Variants in SYNE2 observed in about 807,000 individuals in gnomAD.
The protein encoded by SYNE2 is spectrin repeat containing nuclear envelope protein 2, also known as nesprin-2.
Under a neutral mutation model 856.3 loss-of-function variants are expected in SYNE2, and 431 were observed. The ratio of observed to expected loss-of-function variants is 0.50; its 90% CI spans 0.47 to 0.55. The LOEUF (loss-of-function observed/expected upper bound fraction) is 0.55, where lower values mean the gene tolerates loss of function less well. Among genes scored for constraint, SYNE2 ranks in the 20% least tolerant of loss-of-function variants. The pLI is 0.00. For synonymous variants in SYNE2, 2,923 were observed against 2,872.3 expected (o/e 1.02, Z -0.56); for missense variants, 8,129 against 8,023.2 (o/e 1.01, Z -0.50).
intron 99 of SYNE2, among the ~76,000 whole-genome samples, chr14:64,198,730 C>T (rs185667040): frequency 3.3e-5 from 5 of 152,266 alleles, no homozygotes; most frequent in Admixed American, 6.5e-5. Flanking sequence ...CTGAGGAGCA[C>T]GAGTGGCTCC....
rs775635485 is a variant in SYNE2 at position 64,016,492 on chromosome 14, A to T, written c.4748A>T (p.Glu1583Val). Residue 1583 changes from glutamate (E) to valine (V), a missense_variant, in exon 33 of 116, where the codon GAA (glutamate) becomes GTA (valine). This residue lies in a region of SYNE2 where 2,422 missense variants were observed against 2,357.4 expected (regional missense o/e 1.03). Transcript: ENST00000555002. ...RIAEIEIVKE[E>V]FNEHLEVVDK... ...TTACAGATTGAAATTGTCAAAGAAGAATTTAATGAGCATTTAGAAGTTGTA... is the reference window on the plus strand; with the variant it reads ...TTACAGATTGAAATTGTCAAAGAAGTATTTAATGAGCATTTAGAAGTTGTA... 2.9e-5 allele frequency: 46 copies of T among 1,592,064 alleles called. No individual in the cohort carries two copies. The highest frequency in any genetic ancestry group is 3.3e-5 in the Non-Finnish European group (39 of 1,167,912).
intron 78 of SYNE2, among the ~76,000 whole-genome samples, chr14:64,135,769 G>C (rs1477947338): frequency 6.6e-6 from 1 of 152,144 alleles, no homozygotes; most frequent in African/African-American, 2.4e-5. Context: ...GACTAAAGAA[G>C]ACATATCCTG....
At chr14:64,089,267 G>A (rs2097586229) in intron 58 of SYNE2, among the ~76,000 whole-genome samples, 1 of 149,518 alleles carries the variant, frequency 6.7e-6, no homozygotes, top group African/African-American at 2.4e-5. Flanking sequence ...TCAGGAGGCT[G>A]AGGCAGGAGA....
At chr14:64,030,312 G>A (rs368500684) in intron 44 of SYNE2, among the ~76,000 whole-genome samples, 23 of 152,318 alleles carry the variant, frequency 1.5e-4, no homozygotes, top group African/African-American at 2.9e-4. Flanking sequence ...CACCTTGAAA[G>A]GCCTGTATGT....
intron 18 of SYNE2, among the ~76,000 whole-genome samples, chr14:63,985,476 A>G (rs748956237): frequency 2.0e-5 from 3 of 152,164 alleles, no homozygotes; most frequent in Non-Finnish European, 2.9e-5. Flanking sequence ...AAAAAGATTT[A>G]ATTTTGTTGA....
chr14:63,979,638 C>T (rs921362058), intron 14 of SYNE2, among the ~76,000 whole-genome samples: 13 of 152,316 alleles, frequency 8.5e-5, no homozygotes, highest in African/African-American at 2.4e-4. Flanking sequence ...TGGGGCTGGG[C>T]GCGGTGGCGC....
In SYNE2 at chr14:64,079,858, G is replaced by A. The variant is rs571277752; in HGVS notation, c.11164-598G>A. On this transcript the variant is annotated intron_variant, in intron 55 of 115. Coordinates refer to ENST00000555002, the MANE Select transcript of SYNE2 (RefSeq NM_182914.3). Reference sequence around the variant, plus strand: ...CAAGTAGATGAGACTGCAGGTGTGCGCCACTACACCTGGCTAAGTTTTGTA... The same window carrying A: ...CAAGTAGATGAGACTGCAGGTGTGCACCACTACACCTGGCTAAGTTTTGTA... Among the ~76,000 whole-genome samples, 37 of 152,138 alleles carry A rather than the reference G, an allele frequency of 2.4e-4. No individual in the cohort carries two copies. The South Asian group carries it at 7.7e-3, about 32-fold the overall frequency.
rs367698099 is a variant in SYNE2, at chr14:64,119,607, C to G, written c.13021C>G (p.Gln4341Glu). The G allele has an allele frequency of 8.1e-5, 130 of 1,613,840 alleles. No individual in the cohort carries two copies. The highest frequency in any genetic ancestry group is 1.0e-4 in the Non-Finnish European group (123 of 1,179,936). ...GCTTCAGGAGAAGCACAGTGAAGAT[C>G]AGGTAAAAAATGACTATCTATGGAC... ...MMLQEKHSED[Q>E]HPTILKKSSE... The change falls in exon 67 of 116, where the codon CAG becomes GAG. Residue 4341 changes from glutamine to glutamate, a missense_variant and splice_region_variant. This residue lies in a region of SYNE2 where 5,410 missense variants were observed against 5,284.8 expected (regional missense o/e 1.02). Coordinates refer to ENST00000555002, the MANE Select transcript of SYNE2 (RefSeq NM_182914.3).
intron 11 of SYNE2, among the ~76,000 whole-genome samples, chr14:63,974,053 G>A (rs761110507): frequency 4.6e-5 from 7 of 152,178 alleles, no homozygotes; most frequent in Non-Finnish European, 1.0e-4. Context: ...AACATAGTGA[G>A]ACCTTGTCTC....
At chr14:64,148,890 C>G (rs1362638645) in intron 84 of SYNE2, among the ~76,000 whole-genome samples, 1 of 151,990 alleles carries the variant, frequency 6.6e-6, no homozygotes, top group African/African-American at 2.4e-5. Flanking sequence ...CTGTCACTGC[C>G]TGTGAAATTC....
At chr14:64,175,358 A>C (rs1474187236) in intron 95 of SYNE2, among the ~76,000 whole-genome samples, 1 of 152,192 alleles carries the variant, frequency 6.6e-6, no homozygotes, top group Non-Finnish European at 1.5e-5. Flanking sequence ...TTCTATTAAG[A>C]TACTTACTTT....
rs1889959894 is a variant in SYNE2, at chr14:63,839,128, C to G, written c.-304-13373C>G. ...CACTGCAACCTCCAACTCCCAGATTCAAGTGATTCTCCTGCCTCAGCCTCC... is the reference window on the plus strand; with the variant it reads ...CACTGCAACCTCCAACTCCCAGATTGAAGTGATTCTCCTGCCTCAGCCTCC... On this transcript the variant is annotated intron_variant, in intron 1 of 23. Transcript: ENST00000674003. 3.3e-5 allele frequency among the ~76,000 whole-genome samples: 5 copies of G among 152,154 alleles called. No homozygotes were observed. In the South Asian group the frequency reaches 1.0e-3, roughly 32 times the overall value.
chr14:64,205,149 T>G (rs1249167262), intron 100 of SYNE2, among the ~76,000 whole-genome samples: 2 of 152,186 alleles, frequency 1.3e-5, no homozygotes, highest in Non-Finnish European at 2.9e-5. Context: ...GCAACCGTAA[T>G]TCTCCTTTGC....
intron 8 of SYNE2, among the ~76,000 whole-genome samples, chr14:63,956,990 C>T (rs1416097831): frequency 2.6e-5 from 4 of 152,132 alleles, no homozygotes; most frequent in African/African-American, 9.7e-5. Context: ...CCCCATGCCC[C>T]AGTACTTGCT....
intron 35 of SYNE2, among the ~76,000 whole-genome samples, chr14:64,020,538 AATG>A (rs935320403): frequency 2.0e-5 from 3 of 152,204 alleles, no homozygotes; most frequent in African/African-American, 7.2e-5. Flanking sequence ...ATTTAGCGTC[AATG>A]ATATTATATT....
At chr14:63,799,956 G>T (rs1282192066) in intron 1 of SYNE2, among the ~76,000 whole-genome samples, 1 of 152,184 alleles carries the variant, frequency 6.6e-6, no homozygotes, top group Non-Finnish European at 1.5e-5. Context: ...CATCAGGAAG[G>T]AATTTGTTGT....
At chr14:64,054,600 A>G (rs1360068059) in intron 48 of SYNE2, among the ~76,000 whole-genome samples, 1 of 152,194 alleles carries the variant, frequency 6.6e-6, no homozygotes, top group Admixed American at 6.5e-5. Context: ...GAATATAGCC[A>G]TACCCATTTG....
chr14:63,843,242 G>T (rs1890128108), intron 1 of SYNE2, among the ~76,000 whole-genome samples: 1 of 151,792 alleles, frequency 6.6e-6, no homozygotes, highest in African/African-American at 2.4e-5. Context: ...TTGTAGAGAG[G>T]GGGTTTTGCA....
intron 54 of SYNE2, among the ~76,000 whole-genome samples, chr14:64,076,565 A>G (rs1329950415): frequency 6.6e-6 from 1 of 152,176 alleles, no homozygotes; most frequent in Non-Finnish European, 1.5e-5. Flanking sequence ...CAGAATTCTC[A>G]TGAAAAGTAC....
Sources: allele counts gnomAD v4.1 joint callset (sites outside exome capture counted in the v4.1 genomes callset), GRCh38; gene constraint gnomAD v4.1.1; regional missense constraint gnomAD v4.1.1; transcripts MANE v1.5; gene names NCBI Gene and HGNC (gene_info 2026-07-23, HGNC 2026-07-21).